Variants in MYH11 observed in about 807,000 individuals in gnomAD.
The protein encoded by MYH11 is myosin heavy chain 11, also known as myosin-11.
MYH11 carries 80 observed loss-of-function variants against 246.6 expected under a neutral mutation model. The observed-to-expected ratio is 0.32, with a 90% CI of 0.27 to 0.39. The LOEUF is 0.39. MYH11 is among the 10% of genes least tolerant of loss of function. MYH11 has a pLI of 1.00. For synonymous variants in MYH11, 1,071 were observed against 1,015.5 expected, an observed-to-expected ratio of 1.05 and a Z score of -1.04; for missense variants, 2,158 against 2,546.8, an observed-to-expected ratio of 0.85 and a Z score of 3.29.
rs2272557 is a variant in MYH11, at chr16:15,708,695, G to T, written c.5787-4572C>A. The T allele has an allele frequency of 5.8e-6, 7 of 1,211,062 alleles. No homozygotes were observed. The East Asian group carries it at 1.5e-4, about 26-fold the overall frequency. 75.0% of individuals were successfully genotyped at this position (1,211,062 alleles called of 1,614,324 possible). On this transcript the variant is annotated intron_variant, in intron 40 of 40. Coordinates refer to ENST00000300036, the MANE Select transcript of MYH11 (RefSeq NM_002474.3). ...AGCCTCCAGATTTTGCAAGAATCTC[G>T]TGGAAATGTGCAAGGGTTTAAAAAT...
chr16:15,782,369 T>G lies in MYH11; in HGVS notation c.726+16A>C. Reference sequence around the variant, plus strand: ...CCAAAGCTTTTCTGGAAAATCCATGTGGCTTTGCTACTTACGAATCGTGAG... The same window carrying G: ...CCAAAGCTTTTCTGGAAAATCCATGGGGCTTTGCTACTTACGAATCGTGAG... On this transcript the variant is annotated intron_variant, in intron 6 of 40. Transcript: ENST00000300036. 1 of 1,610,966 alleles carries G rather than the reference T, an allele frequency of 6.2e-7. No individual in the cohort carries two copies. Among genetic ancestry groups the G allele is most frequent in the East Asian group, 2.2e-5 (1 of 44,864 alleles).
intron 9 of MYH11, among the ~76,000 whole-genome samples, chr16:15,765,371 TGATGGATAGAC>T (rs2041959369): frequency 6.6e-6 from 1 of 151,654 alleles, no homozygotes. Context: ...GACAGAGGAT[TGATGGATAGAC>T]GATGGATAGA....
intron 28 of MYH11, 155 bp from the exon 29 acceptor site, chr16:15,725,147 AAACAC>A (rs1169857724): frequency 3.1e-6 from 2 of 655,390 alleles, no homozygotes; most frequent in South Asian, 1.7e-5. Flanking sequence ...AAAAAAAAAA[AAACAC>A]ACACACACAC....
intron 40 of MYH11, 137 bp downstream of exon 40, chr16:15,714,772 G>A (rs2040022667): frequency 2.7e-6 from 3 of 1,125,172 alleles, no homozygotes; most frequent in South Asian, 2.6e-5. Context: ...TAGTGATTAA[G>A]GAGAAGCAGG....
At chr16:15,720,076 C>T in intron 34 of MYH11, 75 bp downstream of exon 34, 6 of 1,599,334 alleles carry the variant, frequency 3.8e-6, no homozygotes, top group Non-Finnish European at 5.1e-6. Flanking sequence ...CTGGAGCCCG[C>T]TCTGCTGACT....
At chr16:15,807,630 G>A (rs1179038076) in intron 3 of MYH11, among the ~76,000 whole-genome samples, 1 of 152,150 alleles carries the variant, frequency 6.6e-6, no homozygotes, top group African/African-American at 2.4e-5. Context: ...GAAGGCTGGA[G>A]CTGGGGGCGG....
chr16:15,725,440 C>T, intron 28 of MYH11: 1 of 468,428 alleles, frequency 2.1e-6, no homozygotes. Context: ...CCCATCCCTT[C>T]CTTCCTCACT....
chr16:15,837,758 C>T (rs533177419), intron 2 of MYH11, 150 bp downstream of exon 2: 250 of 696,610 alleles, frequency 3.6e-4, no homozygotes, highest in Non-Finnish European at 5.6e-4. Flanking sequence ...TGGTCTCGAA[C>T]TTCTGACCTC....
chr16:15,793,544 C>T (rs554356165), intron 4 of MYH11, among the ~76,000 whole-genome samples: 4 of 152,150 alleles, frequency 2.6e-5, no homozygotes, highest in East Asian at 1.9e-4. Context: ...CCTCCCGCCT[C>T]GGCCTCTCAA....
At chr16:15,813,832 C>A (rs1188411643) in intron 3 of MYH11, among the ~76,000 whole-genome samples, 3 of 146,646 alleles carry the variant, frequency 2.0e-5, no homozygotes, top group Non-Finnish European at 3.0e-5. Context: ...ATTCTCCACA[C>A]AAAAGAGGGG....
chr16:15,709,414 A>C (rs111779140), intron 40 of MYH11, among the ~76,000 whole-genome samples: 1,546 of 151,864 alleles, frequency 0.01, 32 homozygotes, highest in African/African-American at 0.034. Context: ...TCCCGGGTTC[A>C]AGCGATTCTC....
intron 40 of MYH11, 129 bp from the exon 41 acceptor site, chr16:15,704,252 C>G: frequency 1.0e-6 from 1 of 971,954 alleles, no homozygotes. Flanking sequence ...TGGCAGAAAA[C>G]ACACACGGCA....
intron 2 of MYH11, among the ~76,000 whole-genome samples, chr16:15,830,411 T>C (rs192267655): frequency 1.1e-3 from 170 of 152,300 alleles, no homozygotes; most frequent in African/African-American, 3.9e-3. Context: ...GGCTTAATCA[T>C]TATGGTTCAT....
intron 16 of MYH11, 93 bp from the exon 17 acceptor site, chr16:15,748,261 AG>A: frequency 6.3e-7 from 1 of 1,579,026 alleles, no homozygotes; most frequent in Non-Finnish European, 8.6e-7. Flanking sequence ...CCACCTGGCC[AG>A]GCCATGAGGG....
rs540447209 is a variant in MYH11, at chr16:15,759,337, G to A, written c.1401+239C>T. 6.6e-5 allele frequency among the ~76,000 whole-genome samples: 10 copies of A among 152,162 alleles called. No individual in the cohort carries two copies. The South Asian group carries it at 1.2e-3, about 19-fold the overall frequency. ...GCAGAGAGAGAGAGAGAACGATGGC[G>A]GGAGATCAGACCCTGCCTACGGGAT... On this transcript the variant is annotated intron_variant, in intron 12 of 40. Transcript: ENST00000300036.
At position 15,748,034 on chromosome 16, in the gene MYH11, C is replaced by G. The variant is rs1046616127; in HGVS notation, c.2180+13G>C. ...CACCCCCTGCCCTACCTGGGCCAGACCTTGGGACTTACCGTTGGCGGAACT... is the reference window on the plus strand; with the variant it reads ...CACCCCCTGCCCTACCTGGGCCAGAGCTTGGGACTTACCGTTGGCGGAACT... On this transcript the variant is annotated intron_variant, in intron 17 of 40. Coordinates refer to ENST00000300036, the MANE Select transcript of MYH11 (RefSeq NM_002474.3). 1.2e-6 allele frequency: 2 copies of G among 1,614,210 alleles called. No individual in the cohort carries two copies. Among genetic ancestry groups the G allele is most frequent in the Non-Finnish European group, 8.5e-7 (1 of 1,180,036 alleles).
intron 9 of MYH11, among the ~76,000 whole-genome samples, chr16:15,767,152 G>A (rs2042001543): frequency 2.6e-5 from 4 of 151,988 alleles, no homozygotes; most frequent in Admixed American, 2.6e-4. Context: ...TGGATGGACG[G>A]ATGGGTGATG....
At position 15,706,703 on chromosome 16, in the gene MYH11, C is replaced by CA. The variant is rs1309892852; in HGVS notation, c.5787-2581dup. Among the ~76,000 whole-genome samples the CA allele has an allele frequency of 4.8e-3, 612 of 127,576 alleles. 2 individuals are homozygous for CA. Among genetic ancestry groups the CA allele is most frequent in the Middle Eastern group, 0.013 (3 of 234 alleles). The allele number at this position is 127,576 out of a possible 152,430, so 83.7% of individuals were successfully genotyped here. On this transcript the variant is annotated intron_variant, in intron 40 of 40. Coordinates refer to ENST00000300036, the MANE Select transcript of MYH11 (RefSeq NM_002474.3). ...GCCTGGGAAACAGCAAGACTGTCTCCAAAAAAAAAAACAAAAAAAAATCTG... is the reference window on the plus strand; with the variant it reads ...GCCTGGGAAACAGCAAGACTGTCTCCAAAAAAAAAAAACAAAAAAAAATCTG...
intron 32 of MYH11, 172 bp from the exon 33 acceptor site, chr16:15,721,223 C>T (rs954179874): frequency 6.4e-5 from 60 of 943,944 alleles, no homozygotes; most frequent in Middle Eastern, 3.1e-4. Flanking sequence ...GCCTTATCCT[C>T]GGACCCCCCA....
Sources: gnomAD v4.1 joint callset for allele counts (sites outside exome capture counted in the v4.1 genomes callset) on GRCh38, gnomAD v4.1.1 for gene constraint, MANE v1.5 for transcripts, NCBI Gene and HGNC (gene_info 2026-07-23, HGNC 2026-07-21) for gene names.